The following CAMK1D variants were observed in gnomAD, a reference collection of about 807,000 sequenced individuals.
CAMK1D encodes the protein calcium/calmodulin-dependent protein kinase type 1D.
CAMK1D carries 9 observed loss-of-function variants against 47.7 expected under a neutral mutation model. The observed-to-expected ratio is 0.19, with a 90% CI of 0.11 to 0.33. The LOEUF is 0.33. Among genes scored for constraint, CAMK1D ranks in the 10% least tolerant of loss-of-function variants. CAMK1D has a pLI of 1.00. For missense variants in CAMK1D, 291 were observed against 488.7 expected (o/e 0.60, Z 3.81); for synonymous variants, 184 against 184.9 (o/e 0.99, Z 0.04).
chr10:12,379,185 A>G (rs1452572740), intron 1 of CAMK1D, among the ~76,000 whole-genome samples: 1 of 152,178 alleles, frequency 6.6e-6, no homozygotes, highest in Non-Finnish European at 1.5e-5. Context: ...GGTTCCTAAA[A>G]TATGGTGGCC....
At chr10:12,472,586 A>G (rs1005536752) in intron 1 of CAMK1D, among the ~76,000 whole-genome samples, 4 of 152,064 alleles carry the variant, frequency 2.6e-5, no homozygotes, top group Admixed American at 6.6e-5. Flanking sequence ...GTGCAGTGAC[A>G]TGATCTCGGC....
At chr10:12,473,905 T>C (rs1407625560) in intron 1 of CAMK1D, among the ~76,000 whole-genome samples, 1 of 152,238 alleles carries the variant, frequency 6.6e-6, no homozygotes, top group Non-Finnish European at 1.5e-5. Flanking sequence ...CATGGAACTT[T>C]CTTTTAGAAC....
At chr10:12,766,690 C>G (rs572114568) in intron 4 of CAMK1D, among the ~76,000 whole-genome samples, 1 of 152,110 alleles carries the variant, frequency 6.6e-6, no homozygotes, top group Non-Finnish European at 1.5e-5. Context: ...TTTCTAGCTC[C>G]TGTATCACCC....
intron 1 of CAMK1D, among the ~76,000 whole-genome samples, chr10:12,386,387 A>T (rs1838495477): frequency 6.6e-6 from 1 of 151,984 alleles, no homozygotes; most frequent in Non-Finnish European, 1.5e-5. Context: ...CAGTGAGCTG[A>T]GATTGTACCA....
chr10:12,647,145 CTTTTTTTTTT>C lies in CAMK1D; in HGVS notation c.225-19578_225-19569del, dbSNP rs397693477. 9.7e-3 allele frequency among the ~76,000 whole-genome samples: 746 copies of C among 76,838 alleles called. 4 individuals carry two copies. The Middle Eastern group carries it at 0.11, about 12-fold the overall frequency. The allele number at this position is 76,838 out of a possible 152,430, so 50.4% of individuals were successfully genotyped here. ...CGTGAGCCTCCTTGCCCAGGCTAGC[CTTTTTTTTTT>C]TTTTTTTTTTTTGAAATGGAGTCTC... On this transcript the variant is annotated intron_variant, in intron 2 of 10. Coordinates refer to ENST00000619168, the MANE Select transcript of CAMK1D (RefSeq NM_153498.4).
rs563869535 is a variant in CAMK1D, at chr10:12,482,287, G to A, written c.93-70938G>A. Among the ~76,000 whole-genome samples the A allele has an allele frequency of 2.0e-5, 3 of 152,288 alleles. No homozygotes were observed. In the South Asian group the frequency reaches 6.2e-4, roughly 32 times the overall value. ...GCAGCACTTTGGGAAGCTGGGGGTG[G>A]TTCTGGAGGGAATGAGGCCCTTCCC... On this transcript the variant is annotated intron_variant, in intron 1 of 10. Transcript: ENST00000619168.
At chr10:12,570,157 G>A (rs529489902) in intron 2 of CAMK1D, among the ~76,000 whole-genome samples, 23 of 151,576 alleles carry the variant, frequency 1.5e-4, no homozygotes, top group African/African-American at 2.9e-4. Context: ...CTGAGATCGC[G>A]CCACTGCACT....
At chr10:12,811,190 G>A (rs1832590020) in intron 6 of CAMK1D, among the ~76,000 whole-genome samples, 1 of 152,082 alleles carries the variant, frequency 6.6e-6, no homozygotes, top group Non-Finnish European at 1.5e-5. Flanking sequence ...GACCCTTGGC[G>A]ATATAATTTG....
chr10:12,687,695 A>G (rs577950851), intron 3 of CAMK1D, among the ~76,000 whole-genome samples: 4 of 152,370 alleles, frequency 2.6e-5, no homozygotes, highest in South Asian at 2.1e-4. Context: ...AGTGCAAACA[A>G]GAGAGCCATG....
At chr10:12,808,934 T>C (rs1043746835) in intron 6 of CAMK1D, among the ~76,000 whole-genome samples, 1 of 151,994 alleles carries the variant, frequency 6.6e-6, no homozygotes, top group South Asian at 2.1e-4. Flanking sequence ...CTGGCCAACA[T>C]GGTGAAACCC....
intron 1 of CAMK1D, among the ~76,000 whole-genome samples, chr10:12,534,798 A>T (rs1161509176): frequency 6.6e-6 from 1 of 152,076 alleles, no homozygotes; most frequent in Non-Finnish European, 1.5e-5. Flanking sequence ...TATCTTGTGG[A>T]CTGTCCTCCT....
At chr10:12,396,475 C>T (rs1209908657) in intron 1 of CAMK1D, among the ~76,000 whole-genome samples, 1 of 152,202 alleles carries the variant, frequency 6.6e-6, no homozygotes, top group Non-Finnish European at 1.5e-5. Flanking sequence ...GAGTCTCTGG[C>T]TTAACCCCCT....
chr10:12,403,876 C>T lies in CAMK1D; in HGVS notation c.92+53966C>T, dbSNP rs565540001. On this transcript the variant is annotated intron_variant, in intron 1 of 10. Transcript: ENST00000619168. ...TTGGCCCTGATGTTACCATTGCAGACGTGAGACTCATCCATGTCACAGAGC... is the reference window on the plus strand; with the variant it reads ...TTGGCCCTGATGTTACCATTGCAGATGTGAGACTCATCCATGTCACAGAGC... Among the ~76,000 whole-genome samples the T allele has an allele frequency of 1.4e-4, 21 of 151,858 alleles. No homozygotes were observed. The South Asian group carries it at 2.5e-3, about 18-fold the overall frequency.
intron 1 of CAMK1D, among the ~76,000 whole-genome samples, chr10:12,378,216 C>G (rs1236394742): frequency 6.6e-6 from 1 of 152,220 alleles, no homozygotes; most frequent in Non-Finnish European, 1.5e-5. Context: ...GCACTGCTCT[C>G]TCCGTCTAAA....
intron 1 of CAMK1D, among the ~76,000 whole-genome samples, chr10:12,369,701 G>C (rs905659936): frequency 1.3e-5 from 2 of 152,164 alleles, no homozygotes; most frequent in African/African-American, 4.8e-5. Flanking sequence ...GCTCACGCCT[G>C]TATTCCCAGC....
At chr10:12,413,056 C>T (rs1317865271) in intron 1 of CAMK1D, among the ~76,000 whole-genome samples, 1 of 152,166 alleles carries the variant, frequency 6.6e-6, no homozygotes, top group Non-Finnish European at 1.5e-5. Flanking sequence ...TTGCATTGTT[C>T]TAAAGAAATA....
chr10:12,555,159 G>A (rs1836722132), intron 2 of CAMK1D, among the ~76,000 whole-genome samples: 1 of 152,170 alleles, frequency 6.6e-6, no homozygotes, highest in Non-Finnish European at 1.5e-5. Flanking sequence ...GCCTTCTAGG[G>A]CCTCAACACA....
Position 12,705,809 on chromosome 10 carries a change from C to T in CAMK1D, c.299+38999C>T, listed in dbSNP as rs972879720. Among the ~76,000 whole-genome samples, 12 of 152,304 alleles carry T rather than the reference C, an allele frequency of 7.9e-5. No individual in the cohort carries two copies. In the East Asian group the frequency reaches 9.6e-4, roughly 12 times the overall value. ...CTAGTCTAAGAGGAGCAATATCTCA[C>T]GTCGCTGGAGTGTCTAGGGACAAGA... On this transcript the variant is annotated intron_variant, in intron 3 of 10. Coordinates refer to ENST00000619168, the MANE Select transcript of CAMK1D (RefSeq NM_153498.4).
intron 2 of CAMK1D, among the ~76,000 whole-genome samples, chr10:12,571,273 C>G (rs953448441): frequency 6.6e-6 from 1 of 151,794 alleles, no homozygotes; most frequent in East Asian, 1.9e-4. Context: ...AGTGAAACCC[C>G]CGTCTCTATG....
Sources: allele counts gnomAD v4.1 joint callset (sites outside exome capture counted in the v4.1 genomes callset), GRCh38; gene constraint gnomAD v4.1.1; transcripts MANE v1.5; gene names NCBI Gene and HGNC (gene_info 2026-07-23, HGNC 2026-07-21).